CCDC40: variants seen among roughly 807,000 people sequenced by gnomAD.
CCDC40 encodes the protein coiled-coil domain 40 molecular ruler complex subunit.
CCDC40 carries 104 observed loss-of-function variants against 124.5 expected under a neutral mutation model. That is an observed-to-expected ratio of 0.84 (90% CI 0.71 to 0.98). The LOEUF (loss-of-function observed/expected upper bound fraction) is 0.98, where lower values mean the gene tolerates loss of function less well. Among genes scored for constraint, CCDC40 ranks in the 50% least tolerant of loss-of-function variants. The pLI is 0.00. For synonymous variants in CCDC40, 580 were observed against 602.9 expected, an observed-to-expected ratio of 0.96 and a Z score of 0.56; for missense variants, 1,463 against 1,503.9, an observed-to-expected ratio of 0.97 and a Z score of 0.45.
At chr17:80,052,520 C>T (rs190696400) in intron 7 of CCDC40, among the ~76,000 whole-genome samples, 1 of 152,320 alleles carries the variant, frequency 6.6e-6, no homozygotes, top group East Asian at 1.9e-4. Context: ...CACAGACACA[C>T]CCAGGATCAA....
At chr17:80,083,154 G>T (rs1255521124) in intron 12 of CCDC40, among the ~76,000 whole-genome samples, 1 of 151,944 alleles carries the variant, frequency 6.6e-6, no homozygotes, top group Non-Finnish European at 1.5e-5. Flanking sequence ...GGGGGTGCAG[G>T]CCCGGCTGTG....
chr17:80,051,229 A>G (rs1308928430), intron 7 of CCDC40: 8 of 629,706 alleles, frequency 1.3e-5, no homozygotes, highest in Non-Finnish European at 1.6e-5. Flanking sequence ...GGAGGAAAAC[A>G]GAAGCACATG....
At chr17:80,091,485 G>A (rs1206730653) in intron 17 of CCDC40, among the ~76,000 whole-genome samples, 1 of 152,144 alleles carries the variant, frequency 6.6e-6, no homozygotes, top group African/African-American at 2.4e-5. Context: ...GACCTGAGAA[G>A]GAGGCAACGG....
rs1197428874 is a variant in CCDC40, at chr17:80,100,106, C to T, written c.*331C>T. On this transcript the variant is annotated 3_prime_UTR_variant, in exon 20 of 20. Coordinates refer to ENST00000397545, the MANE Select transcript of CCDC40 (RefSeq NM_017950.4). ...CACTCCCAAATCTGCACGTGCCTCT[C>T]ACAACACAACGCTGCCACAGGTCCA... 5.3e-6 allele frequency: 2 copies of T among 377,348 alleles called. No homozygotes were observed. The highest frequency in any genetic ancestry group is 1.0e-5 in the Non-Finnish European group (2 of 198,312). The allele number at this position is 377,348 out of a possible 1,614,324, so 23.4% of individuals were successfully genotyped here.
intron 5 of CCDC40, 128 bp downstream of exon 5, chr17:80,048,889 C>A: frequency 1.1e-6 from 1 of 871,214 alleles, no homozygotes; most frequent in Non-Finnish European, 1.9e-6. Context: ...CTGTTCACTG[C>A]ACCGTTTATT....
intron 7 of CCDC40, among the ~76,000 whole-genome samples, chr17:80,053,603 TG>T (rs2037660911): frequency 3.3e-5 from 5 of 152,310 alleles, no homozygotes; most frequent in East Asian, 1.9e-4. Context: ...TTTGTTTGTT[TG>T]TTTGTTGAGA....
At chr17:80,095,187 C>T (rs1404548175) in intron 17 of CCDC40, 76 bp from the exon 18 acceptor site, 2 of 1,416,536 alleles carry the variant, frequency 1.4e-6, no homozygotes, top group African/African-American at 2.8e-5. Context: ...ATGAGCGAGG[C>T]CAGCGCCCCG....
At position 80,065,705 on chromosome 17, in the gene CCDC40, G is replaced by A. The variant is rs988357569; in HGVS notation, c.1562+99G>A. ...TCTCTCTGGGTCCACCGGATCTCTG[G>A]GACAGAGGGTGCACCTTGATCCCCG... On this transcript the variant is annotated intron_variant, in intron 10 of 19. Transcript: ENST00000397545. 6 of 1,506,980 alleles carry A rather than the reference G, an allele frequency of 4.0e-6. No homozygotes were observed. In the African/African-American group the frequency reaches 5.5e-5, roughly 14 times the overall value. The allele number at this position is 1,506,980 out of a possible 1,614,324, so 93.4% of individuals were successfully genotyped here. A position where few individuals can be genotyped will look rare whatever the true frequency, so the allele number is the denominator to read the frequency against.
intron 13 of CCDC40, among the ~76,000 whole-genome samples, chr17:80,085,548 C>T (rs2038565595): frequency 6.6e-6 from 1 of 152,074 alleles, no homozygotes; most frequent in Non-Finnish European, 1.5e-5. Flanking sequence ...CTGTGGCTTG[C>T]GGCCCTGCTG....
At chr17:80,051,333 T>C (rs2037582121) in intron 7 of CCDC40, 2 of 976,692 alleles carry the variant, frequency 2.0e-6, no homozygotes, top group South Asian at 4.7e-5. Flanking sequence ...TGGGCACTTA[T>C]CAAGCACCTC....
chr17:80,097,491 C>T (rs2038832188), intron 19 of CCDC40, 88 bp downstream of exon 19: 6 of 1,419,288 alleles, frequency 4.2e-6, no homozygotes, highest in South Asian at 1.2e-5. Context: ...GTGCGAGTCA[C>T]GGCCTCTCCT....
rs941324127 is a variant in CCDC40, at chr17:80,064,565, C to T, written c.1441-920C>T. ...CACAGCTGGGGACACTGAGGCACAG[C>T]GGGTGAGATTCAGCCCAGGCAGCCG... is the stretch of plus-strand genomic sequence containing the variant. On this transcript the variant is annotated intron_variant, in intron 9 of 19. Coordinates refer to ENST00000397545, the MANE Select transcript of CCDC40 (RefSeq NM_017950.4). Among the ~76,000 whole-genome samples the T allele has an allele frequency of 8.9e-4, 135 of 152,228 alleles. 1 individual carries two copies. The highest frequency in any genetic ancestry group is 3.0e-3 in the African/African-American group (126 of 41,512).
intron 10 of CCDC40, among the ~76,000 whole-genome samples, chr17:80,070,462 G>A (rs1345772187): frequency 1.3e-5 from 2 of 152,206 alleles, no homozygotes; most frequent in African/African-American, 4.8e-5. Context: ...ATAGCCAGGT[G>A]TGGTGGTGTG....
chr17:80,058,806 C>A lies in CCDC40; in HGVS notation c.1318-52C>A. The stretch of plus-strand genomic sequence containing the variant: ...GTATCAAGGGTTGGTGGAGAACAGG[C>A]CCTCAGCCACGGGCACCTCCTGACG... On this transcript the variant is annotated intron_variant, in intron 8 of 19. Transcript: ENST00000397545. This position sits in a 1 kb window ranked among gnomAD's most constrained non-coding sequence, Gnocchi z 4.2. 1 of 1,613,424 alleles carries A rather than the reference C, an allele frequency of 6.2e-7. No individual in the cohort carries two copies. The highest frequency in any genetic ancestry group is 1.1e-5 in the South Asian group (1 of 91,048).
chr17:80,052,752 A>G (rs2037633825), intron 7 of CCDC40, among the ~76,000 whole-genome samples: 1 of 152,174 alleles, frequency 6.6e-6, no homozygotes, highest in South Asian at 2.1e-4. Context: ...CCGTAAAGAG[A>G]ACAAAGTGTT....
At chr17:80,097,744 G>A (rs1409102917) in intron 19 of CCDC40, 4 of 334,742 alleles carry the variant, frequency 1.2e-5, no homozygotes, top group Admixed American at 4.3e-5. Flanking sequence ...AAAAGATACA[G>A]TGTGTTGTAG....
At chr17:80,065,781 C>T (rs1272023661) in intron 10 of CCDC40, among the ~76,000 whole-genome samples, 175 bp downstream of exon 10, 1 of 152,208 alleles carries the variant, frequency 6.6e-6, no homozygotes, top group Admixed American at 6.5e-5. Flanking sequence ...AAGATTTCAG[C>T]GATTCTTAAA....
rs1389149934 is a variant in CCDC40 at position 80,044,694 on chromosome 17, AAAACAAAC to A, written c.553-2577_553-2570del. ...CGAGACCCCATCTCAAAAACAAAAC[AAAACAAAC>A]AAACAAAAAAAAAAATATATATATA... On this transcript the variant is annotated intron_variant, in intron 3 of 19. Coordinates refer to ENST00000397545, the MANE Select transcript of CCDC40 (RefSeq NM_017950.4). Among the ~76,000 whole-genome samples the A allele has an allele frequency of 5.6e-4, 21 of 37,210 alleles. 1 individual carries two copies. The highest frequency in any genetic ancestry group is 4.5e-3 in the African/African-American group (21 of 4,654). 24.4% of individuals were successfully genotyped at this position (37,210 alleles called of 152,430 possible).
intron 10 of CCDC40, among the ~76,000 whole-genome samples, chr17:80,071,379 A>G (rs2038182314): frequency 6.6e-6 from 1 of 152,224 alleles, no homozygotes; most frequent in Non-Finnish European, 1.5e-5. Context: ...CACGGCAGCC[A>G]GGCAGGCCGA....
Sources: gnomAD v4.1 joint callset for allele counts (sites outside exome capture counted in the v4.1 genomes callset) on GRCh38, gnomAD v4.1.1 for gene constraint, Gnocchi (gnomAD v3.1) non-coding constraint, MANE v1.5 for transcripts, NCBI Gene and HGNC (gene_info 2026-07-23, HGNC 2026-07-21) for gene names.